NDUFAF6: variants seen among roughly 807,000 people sequenced by gnomAD.
The protein encoded by NDUFAF6 is NADH:ubiquinone oxidoreductase complex assembly factor 6, also known as NADH dehydrogenase (ubiquinone) complex I, assembly factor 6.
A neutral mutation model predicts 40.8 loss-of-function variants in NDUFAF6; 45 were observed. The ratio of observed to expected loss-of-function variants is 1.10; its 90% CI spans 0.87 to 1.42. NDUFAF6 has a LOEUF of 1.42. NDUFAF6 is among the 40% of genes most tolerant of loss of function. The pLI, the probability that NDUFAF6 is intolerant of heterozygous loss-of-function variation, is 0.00. For missense variants in NDUFAF6, 435 were observed against 418.5 expected (o/e 1.04, Z -0.34); for synonymous variants, 185 against 155.9 (o/e 1.19, Z -1.39).
chr8:95,093,987 T>C (rs1334283831), intron 2 of NDUFAF6, among the ~76,000 whole-genome samples: 4 of 152,254 alleles, frequency 2.6e-5, no homozygotes, highest in South Asian at 2.1e-4. Context: ...TTGTTTTTTT[T>C]TGAGACAGCG....
intron 1 of NDUFAF6, among the ~76,000 whole-genome samples, chr8:94,917,226 A>G (rs1161251018): frequency 1.3e-5 from 2 of 152,192 alleles, no homozygotes; most frequent in African/African-American, 2.4e-5. Flanking sequence ...CCTTACTTCA[A>G]TAACCTAAGG....
At chr8:94,943,126 C>T (rs1019904591) in intron 1 of NDUFAF6, among the ~76,000 whole-genome samples, 2 of 152,078 alleles carry the variant, frequency 1.3e-5, no homozygotes, top group African/African-American at 4.8e-5. Flanking sequence ...CTTTGGAGCT[C>T]AGGAGTGTGG....
downstream of NDUFAF6, among the ~76,000 whole-genome samples, chr8:95,076,702 C>T (rs530399079): frequency 5.7e-4 from 86 of 151,972 alleles, no homozygotes; most frequent in Non-Finnish European, 1.2e-3. Context: ...GGAGAAACCC[C>T]GTCTCTACTA....
At chr8:95,066,090 T>C (rs915551395) in intron 9 of NDUFAF6, among the ~76,000 whole-genome samples, 38 of 152,068 alleles carry the variant, frequency 2.5e-4, no homozygotes, top group Non-Finnish European at 5.6e-4. Flanking sequence ...CTGTACTCAA[T>C]TTCTATATAT....
chr8:94,909,375 A>AAAAAC (rs1563700241), intron 1 of NDUFAF6, among the ~76,000 whole-genome samples: 52 of 55,872 alleles, frequency 9.3e-4, no homozygotes, highest in African/African-American at 2.4e-3. Context: ...AAAAAAAAAA[A>AAAAAC]AAAAAAACAC....
At chr8:95,078,662 A>AAATATATATATATATAT (rs545018367), downstream of NDUFAF6, 8 of 121,040 alleles carry the variant, frequency 6.6e-5, no homozygotes, top group African/African-American at 2.6e-4. Flanking sequence ...AAAAAAAAAA[A>AAATATATATATATATAT]ATATATATAT....
chr8:94,996,635 G>C (rs1389146760), intron 2 of NDUFAF6, among the ~76,000 whole-genome samples: 2 of 152,322 alleles, frequency 1.3e-5, no homozygotes, highest in East Asian at 1.9e-4. Flanking sequence ...TAGAAAGGCT[G>C]TTTGGGTTGA....
intron 8 of NDUFAF6, chr8:95,055,230 C>T (rs1381946684): frequency 6.6e-6 from 1 of 152,100 alleles, no homozygotes; most frequent in Non-Finnish European, 1.5e-5. Context: ...GCTTTGGCAG[C>T]ACATATACTA....
At chr8:95,074,092 A>T (rs1453884080) in intron 9 of NDUFAF6, among the ~76,000 whole-genome samples, 1 of 152,142 alleles carries the variant, frequency 6.6e-6, no homozygotes, top group African/African-American at 2.4e-5. Flanking sequence ...AAGGGTTGGG[A>T]TGGAACAAGG....
chr8:94,898,904 A>G (rs1351301830), intron 1 of NDUFAF6, among the ~76,000 whole-genome samples: 1 of 152,152 alleles, frequency 6.6e-6, no homozygotes, highest in Non-Finnish European at 1.5e-5. Context: ...TATTTTTCAT[A>G]CGTTTTTATT....
At chr8:95,068,691 C>A (rs1271000300) in intron 9 of NDUFAF6, 1 of 151,912 alleles carries the variant, frequency 6.6e-6, no homozygotes, top group Non-Finnish European at 1.5e-5. Flanking sequence ...GAGACAGTAA[C>A]AACACGACAC....
At chr8:95,024,709 C>G (rs1402961496), upstream of NDUFAF6, among the ~76,000 whole-genome samples, 1 of 152,184 alleles carries the variant, frequency 6.6e-6, no homozygotes, top group Non-Finnish European at 1.5e-5. Context: ...CTTCCTTCAC[C>G]AGCAGCACCC....
intron 1 of NDUFAF6, among the ~76,000 whole-genome samples, chr8:94,959,268 A>G (rs1775331960): frequency 6.6e-6 from 1 of 152,224 alleles, no homozygotes; most frequent in South Asian, 2.1e-4. Flanking sequence ...AGCAGTAACC[A>G]TAACAATCTC....
intron 4 of NDUFAF6, among the ~76,000 whole-genome samples, chr8:95,043,108 T>C (rs987951036): frequency 2.0e-5 from 3 of 148,926 alleles, no homozygotes; most frequent in African/African-American, 7.5e-5. Flanking sequence ...TTTTTTGAGA[T>C]GGAGTCTCGC....
rs1352171201 is a variant in NDUFAF6 at position 94,952,620 on chromosome 8, C to T, written c.-798-5375C>T. Among the ~76,000 whole-genome samples, 4 of 152,208 alleles carry T rather than the reference C, an allele frequency of 2.6e-5. No individual in the cohort carries two copies. The East Asian group carries it at 7.7e-4, about 29-fold the overall frequency. On this transcript the variant is annotated intron_variant, in intron 2 of 14. Transcript: ENST00000396113. ...GCCTGGAACAAAGAAGCAAGAGATTCTGTGATTTCTGCTTTCTGAAATAAA... is the reference window on the plus strand; with the variant it reads ...GCCTGGAACAAAGAAGCAAGAGATTTTGTGATTTCTGCTTTCTGAAATAAA...
chr8:94,905,313 C>G (rs528390), intron 1 of NDUFAF6, among the ~76,000 whole-genome samples: 7,406 of 146,372 alleles, frequency 0.051, 245 homozygotes, highest in Middle Eastern at 0.066. Context: ...TCTGGGAGAA[C>G]CTTTTGTGGA....
chr8:94,943,412 C>T (rs1821726424), intron 1 of NDUFAF6, among the ~76,000 whole-genome samples: 1 of 152,144 alleles, frequency 6.6e-6, no homozygotes, highest in Admixed American at 6.5e-5. Flanking sequence ...TCTCTTGAGT[C>T]CAGGTTCAAG....
At chr8:94,941,172 C>CCTG in intron 1 of NDUFAF6, 2 of 394,420 alleles carry the variant, frequency 5.1e-6, no homozygotes, top group South Asian at 6.5e-5. Context: ...CACACATACC[C>CCTG]TTAGAAGAAA....
Position 95,025,159 on chromosome 8 carries a change from G to T in NDUFAF6, c.151G>T (p.Gly51Ter), listed in dbSNP as rs868345341. ...TGGGCGGAGCGTGGCTGCGGCCAGC[G>T]GACCGGGCGCCTGGGGCACTGACCA... ...VSGRSVAAAS[G>*]PGAWGTDHYC... Residue 51 changes from glycine to a stop codon, truncating the protein, a stop_gained, in exon 1 of 9, where the codon GGA (glycine) becomes TGA (stop). Coordinates refer to ENST00000396124, the MANE Select transcript of NDUFAF6 (RefSeq NM_152416.4). LOFTEE classifies it high-confidence loss of function. 7.4e-6 allele frequency: 11 copies of T among 1,482,982 alleles called. No homozygotes were observed. The highest frequency in any genetic ancestry group is 2.6e-5 in the South Asian group (2 of 77,564). The allele number at this position is 1,482,982 out of a possible 1,614,324, so 91.9% of individuals were successfully genotyped here.
Sources: allele counts gnomAD v4.1 joint callset (sites outside exome capture counted in the v4.1 genomes callset), GRCh38; gene constraint gnomAD v4.1.1; transcripts MANE v1.5; gene names NCBI Gene and HGNC (gene_info 2026-07-23, HGNC 2026-07-21).